Variants in LRRC43 observed in about 807,000 individuals in gnomAD.
LRRC43 encodes leucine rich repeat containing 43, also known as leucine-rich repeat-containing protein 43.
LRRC43 carries 62 observed loss-of-function variants against 64.3 expected under a neutral mutation model. The ratio of observed to expected loss-of-function variants is 0.96; its 90% CI spans 0.79 to 1.19. The LOEUF is 1.19. Ranked by LOEUF, LRRC43 falls within the 50% of genes most tolerant of loss-of-function variation. The pLI, the probability that LRRC43 is intolerant of heterozygous loss-of-function variation, is 0.00. For synonymous variants in LRRC43, 422 were observed against 382.3 expected, an observed-to-expected ratio of 1.10 and a Z score of -1.21; for missense variants, 868 against 845.0, an observed-to-expected ratio of 1.03 and a Z score of -0.34.
At chr12:122,179,773 C>T (rs1033403346), upstream of LRRC43, among the ~76,000 whole-genome samples, 2 of 151,744 alleles carry the variant, frequency 1.3e-5, no homozygotes, top group African/African-American at 4.8e-5. Flanking sequence ...AAGGTCGAGA[C>T]CATCCTGGCC....
chr12:122,169,506 G>A (rs1378838995), intron 1 of LRRC43, among the ~76,000 whole-genome samples: 1 of 151,974 alleles, frequency 6.6e-6, no homozygotes, highest in Non-Finnish European at 1.5e-5. Context: ...ACGAGGTCAG[G>A]AGATCGAGAC....
At chr12:122,193,274 G>C (rs187164581) in intron 7 of LRRC43, among the ~76,000 whole-genome samples, 152 of 151,452 alleles carry the variant, frequency 1.0e-3, no homozygotes, top group African/African-American at 3.5e-3. Context: ...CCAGCTACTC[G>C]GGAGGCTGAG....
rs776844842 is a variant in LRRC43 at position 122,187,760 on chromosome 12, C to T, written c.582C>T (p.Pro194=). 14 of 1,613,938 alleles carry T rather than the reference C, an allele frequency of 8.7e-6. No homozygotes were observed. The highest frequency in any genetic ancestry group is 1.6e-4 in the Middle Eastern group (1 of 6,084). The change falls in exon 4 of 12, where the codon CCC becomes CCT. Residue 194 remains proline (P), a synonymous_variant. Coordinates refer to ENST00000339777, the MANE Select transcript of LRRC43 (RefSeq NM_001098519.2). Reference sequence around the variant, plus strand: ...TGGAGTGTCTGTGTGCCCACCCACCCGCCGGCCTGCAGCACTTGGGGTTAG... The same window carrying T: ...TGGAGTGTCTGTGTGCCCACCCACCTGCCGGCCTGCAGCACTTGGGGTTAG... ...SSMECLCAHP[P]AGLQHLGLGH...
In LRRC43 at chr12:122,186,265, G is replaced by A; in HGVS notation, c.487G>A (p.Glu163Lys). 17 of 1,605,262 alleles carry A rather than the reference G, an allele frequency of 1.1e-5. No individual in the cohort carries two copies. Among genetic ancestry groups the A allele is most frequent in the Non-Finnish European group, 1.4e-5 (17 of 1,176,252 alleles). ...GGTACTGAGCGCCAATCGAATCAAG[G>A]AGGTGGATGCCACCAATCTGCCCCC... is the stretch of plus-strand genomic sequence containing the variant. ...ELVLSANRIKEVDATNLPPTL... is the reference protein window; with the variant it reads ...ELVLSANRIKKVDATNLPPTL... Residue 163 changes from glutamate (E) to lysine (K), a missense_variant, in exon 3 of 12, where the codon GAG becomes AAG. Physicochemically the swap from Glu to Lys is moderately conservative, Grantham distance 56. Coordinates refer to ENST00000339777, the MANE Select transcript of LRRC43 (RefSeq NM_001098519.2).
intron 1 of LRRC43, among the ~76,000 whole-genome samples, chr12:122,177,862 G>A (rs980898983): frequency 8.6e-6 from 1 of 116,400 alleles, no homozygotes. Context: ...TTTTGAGATG[G>A]AGTGTGGCTC....
Position 122,191,447 on chromosome 12 carries a change from T to TA in LRRC43, c.969_970insA (p.Val324SerfsTer22). On this transcript the variant is annotated frameshift_variant, in exon 6 of 12. Coordinates refer to ENST00000339777, the MANE Select transcript of LRRC43 (RefSeq NM_001098519.2). LOFTEE classifies it high-confidence loss of function. ...ACATCAGAGGAGTCCTGGACACCTC[T>TA]GTCTTAGACCCGGAACCCAGGCCCG... 1 of 1,614,146 alleles carries TA rather than the reference T, an allele frequency of 6.2e-7. No individual in the cohort carries two copies. Among genetic ancestry groups the TA allele is most frequent in the Non-Finnish European group, 8.5e-7 (1 of 1,180,006 alleles).
intron 7 of LRRC43, among the ~76,000 whole-genome samples, chr12:122,199,353 G>C (rs1026534934): frequency 2.1e-5 from 3 of 141,734 alleles, no homozygotes; most frequent in Non-Finnish European, 4.5e-5. Context: ...CGCGATCTCA[G>C]CTCACTGCAA....
At chr12:122,179,969 CA>C (rs59930172), upstream of LRRC43, among the ~76,000 whole-genome samples, 2,365 of 46,610 alleles carry the variant, frequency 0.051, 44 homozygotes, top group African/African-American at 0.13. Flanking sequence ...GACTCCGTCT[CA>C]AAAAAAAAAA....
At chr12:122,201,512 C>CTG (rs1207217618) in intron 11 of LRRC43, among the ~76,000 whole-genome samples, 183 bp downstream of exon 11, 1 of 152,130 alleles carries the variant, frequency 6.6e-6, no homozygotes, top group Non-Finnish European at 1.5e-5. Flanking sequence ...ACCACAGGGC[C>CTG]TGTGTGGGTG....
At chr12:122,191,940 C>T (rs887965834) in intron 6 of LRRC43, among the ~76,000 whole-genome samples, 1 of 152,044 alleles carries the variant, frequency 6.6e-6, no homozygotes, top group Non-Finnish European at 1.5e-5. Flanking sequence ...AGCCACCGCG[C>T]TGGCCAAGAA....
At position 122,186,048 on chromosome 12, in the gene LRRC43, A is replaced by T; in HGVS notation, c.412-142A>T. Reference sequence around the variant, plus strand: ...TCCTGGCAGAGCGATGCAGTGCAGGAACGGCTTCCGGGGAGCAGGGGGTGG... The same window carrying T: ...TCCTGGCAGAGCGATGCAGTGCAGGTACGGCTTCCGGGGAGCAGGGGGTGG... On this transcript the variant is annotated intron_variant, in intron 2 of 11. Coordinates refer to ENST00000339777, the MANE Select transcript of LRRC43 (RefSeq NM_001098519.2). The T allele has an allele frequency of 4.8e-6, 3 of 631,386 alleles. No homozygotes were observed. The South Asian group carries it at 5.5e-5, about 12-fold the overall frequency. The allele number at this position is 631,386 out of a possible 1,614,324, so 39.1% of individuals were successfully genotyped here. A position where few individuals can be genotyped will look rare whatever the true frequency, so the allele number is the denominator to read the frequency against.
Position 122,184,482 on chromosome 12 carries a change from G to A in LRRC43, c.151-37G>A. Reference sequence around the variant, plus strand: ...AGTTTGGTGTCCTTAAGGGGGCTGTGTCACACCTACAGAAAATCCCTCCTC... The same window carrying A: ...AGTTTGGTGTCCTTAAGGGGGCTGTATCACACCTACAGAAAATCCCTCCTC... On this transcript the variant is annotated intron_variant, in intron 1 of 11. Transcript: ENST00000339777. This position sits in a 1 kb window ranked among gnomAD's most constrained non-coding sequence, Gnocchi z 4.0. 6.2e-7 allele frequency: 1 copy of A among 1,605,516 alleles called. No individual in the cohort carries two copies. The highest frequency in any genetic ancestry group is 8.5e-7 in the Non-Finnish European group (1 of 1,175,604).
Position 122,200,205 on chromosome 12 carries a change from A to G in LRRC43, c.1366A>G (p.Thr456Ala). The G allele has an allele frequency of 1.2e-6, 2 of 1,613,844 alleles. No individual in the cohort carries two copies. Among genetic ancestry groups the G allele is most frequent in the Non-Finnish European group, 1.7e-6 (2 of 1,179,912 alleles). The change falls in exon 8 of 12, where the codon ACT becomes GCT. Residue 456 changes from threonine (T) to alanine (A), a missense_variant. Thr to Ala is a moderately conservative substitution (Grantham distance 58). Transcript: ENST00000339777. The surrounding 1 kb of genome is among the most constrained non-coding windows in gnomAD (Gnocchi z 4.6). ...CTCCCCAAGGACTGTCCTCTTCAGC[A>G]CTGCCCACAAGCCCTGGGCTGAGGT... ...CPSPGTVLFS[T>A]AHKPWAEVIP...
In LRRC43 at chr12:122,186,217, A is replaced by G. The variant is rs1182456680; in HGVS notation, c.439A>G (p.Lys147Glu). Residue 147 changes from lysine (K) to glutamate (E), a missense_variant, in exon 3 of 12, where the codon AAA (lysine) becomes GAA (glutamate). Physicochemically the swap from Lys to Glu is moderately conservative, Grantham distance 56. Transcript: ENST00000339777. ...KVTLVDKDLLKFLKLEELVLS... is the reference protein window; with the variant it reads ...KVTLVDKDLLEFLKLEELVLS... ...CACCCTGGTGGATAAAGACCTCCTGAAATTTCTAAAGCTGGAGGAGTTGGT... is the reference window on the plus strand; with the variant it reads ...CACCCTGGTGGATAAAGACCTCCTGGAATTTCTAAAGCTGGAGGAGTTGGT... 1 of 1,602,154 alleles carries G rather than the reference A, an allele frequency of 6.2e-7. No homozygotes were observed. The highest frequency in any genetic ancestry group is 8.5e-7 in the Non-Finnish European group (1 of 1,174,722).
rs750514098 is a variant in LRRC43 at position 122,173,908 on chromosome 12, G to C, written c.-406+6126G>C. On this transcript the variant is annotated intron_variant, in intron 1 of 5. Coordinates refer to the LRRC43 transcript ENST00000537729. Reference sequence around the variant, plus strand: ...GACTATTTTCTGTACATCATCACTTGGTCGTAGTAAACGGACGGGCAACGT... The same window carrying C: ...GACTATTTTCTGTACATCATCACTTCGTCGTAGTAAACGGACGGGCAACGT... The C allele has an allele frequency of 2.2e-5, 36 of 1,613,908 alleles. No homozygotes were observed. The Admixed American group carries it at 5.7e-4, about 25-fold the overall frequency.
rs759958874 is a variant in LRRC43, at chr12:122,191,488, C to T, written c.1010C>T (p.Thr337Ile). ...PEPRPEGPFI[T>I]YNYYVTYDFV... ...CCCAGGCCCGAAGGCCCTTTCATCA[C>T]TTACAACTATTACGTGACCTATGAT... The change falls in exon 6 of 12, where the codon ACT becomes ATT. Residue 337 changes from threonine to isoleucine, a missense_variant. By Grantham distance (89) the Thr-to-Ile change is moderately conservative. Transcript: ENST00000339777. 3 of 1,614,120 alleles carry T rather than the reference C, an allele frequency of 1.9e-6. No individual in the cohort carries two copies. The Admixed American group carries it at 5.0e-5, about 27-fold the overall frequency.
chr12:122,200,480 C>T lies in LRRC43; in HGVS notation c.1492-52C>T, dbSNP rs1250292598. On this transcript the variant is annotated intron_variant, in intron 8 of 11. Coordinates refer to ENST00000339777, the MANE Select transcript of LRRC43 (RefSeq NM_001098519.2). This position sits in a 1 kb window ranked among gnomAD's most constrained non-coding sequence, Gnocchi z 4.6. ...AGAAAGGGTGAGGGAGAGGTGACCC[C>T]AGGCAGCCCGCCTGGGCCTCTGCTC... 6.2e-7 allele frequency: 1 copy of T among 1,613,212 alleles called. No individual in the cohort carries two copies. Among genetic ancestry groups the T allele is most frequent in the African/African-American group, 1.3e-5 (1 of 74,898 alleles).
rs3741449 is a variant in LRRC43 at position 122,184,865 on chromosome 12, G to A, written c.411+86G>A. On this transcript the variant is annotated intron_variant, in intron 2 of 11. Transcript: ENST00000339777. This position sits in a 1 kb window ranked among gnomAD's most constrained non-coding sequence, Gnocchi z 4.0. ...GGGAGGGCACCCTTCCCCACAGCGC[G>A]TCAGGGATCCTGCTTTCAGGGCTGA... 88 of 1,425,628 alleles carry A rather than the reference G, an allele frequency of 6.2e-5. No individual in the cohort carries two copies. In the East Asian group the frequency reaches 1.1e-3, roughly 19 times the overall value. 88.3% of individuals were successfully genotyped at this position (1,425,628 alleles called of 1,614,324 possible). A position where few individuals can be genotyped will look rare whatever the true frequency, so the allele number is the denominator to read the frequency against.
upstream of LRRC43, among the ~76,000 whole-genome samples, chr12:122,182,429 G>C (rs540570296): frequency 2.7e-5 from 4 of 150,636 alleles, no homozygotes; most frequent in South Asian, 6.3e-4. Flanking sequence ...GGCTGAGGCA[G>C]GAGAATCGGT....
Sources: gnomAD v4.1 joint callset for allele counts (sites outside exome capture counted in the v4.1 genomes callset) on GRCh38, gnomAD v4.1.1 for gene constraint, Gnocchi (gnomAD v3.1) non-coding constraint, MANE v1.5 for transcripts, NCBI Gene and HGNC (gene_info 2026-07-23, HGNC 2026-07-21) for gene names.